Variants in PPP2R2B observed in about 807,000 individuals in gnomAD.
The protein encoded by PPP2R2B is protein phosphatase 2 regulatory subunit Bbeta, also known as serine/threonine-protein phosphatase 2A 55 kDa regulatory subunit B beta isoform.
A neutral mutation model predicts 46.0 loss-of-function variants in PPP2R2B; 5 were observed. The observed-to-expected ratio is 0.11, with a 90% confidence interval of 0.06 to 0.23. PPP2R2B has a LOEUF of 0.23. Among genes scored for constraint, PPP2R2B ranks in the 10% least tolerant of loss-of-function variants. PPP2R2B has a pLI of 1.00. For missense variants in PPP2R2B, 367 were observed against 575.0 expected (o/e 0.64, Z 3.70); for synonymous variants, 215 against 206.7 (o/e 1.04, Z -0.34).
chr5:146,908,586 T>C (rs2151803563), intron 1 of PPP2R2B, among the ~76,000 whole-genome samples: 1 of 151,722 alleles, frequency 6.6e-6, no homozygotes, highest in Middle Eastern at 3.4e-3. Flanking sequence ...AAGGGCTCCA[T>C]TAACAGAAAA....
At chr5:146,736,018 G>T (rs916658364) in intron 2 of PPP2R2B, among the ~76,000 whole-genome samples, 1 of 152,120 alleles carries the variant, frequency 6.6e-6, no homozygotes, top group Non-Finnish European at 1.5e-5. Context: ...TAATCCCCAC[G>T]TGTTATGGGA....
At chr5:146,640,114 C>T (rs1052564478) in intron 6 of PPP2R2B, among the ~76,000 whole-genome samples, 2 of 152,256 alleles carry the variant, frequency 1.3e-5, no homozygotes, top group African/African-American at 4.8e-5. Context: ...TCAAACATCA[C>T]TATGCTCCTG....
chr5:146,732,287 A>C (rs901483556), intron 2 of PPP2R2B, among the ~76,000 whole-genome samples: 9 of 152,248 alleles, frequency 5.9e-5, no homozygotes, highest in African/African-American at 1.9e-4. Context: ...ACATTGATAA[A>C]AATTTTTGCA....
At chr5:146,863,615 T>C (rs1761133200) in intron 2 of PPP2R2B, among the ~76,000 whole-genome samples, 1 of 151,774 alleles carries the variant, frequency 6.6e-6, no homozygotes, top group African/African-American at 2.4e-5. Context: ...CAAATATTTA[T>C]CCATTCAACT....
chr5:146,789,327 A>G (rs1037506355), intron 2 of PPP2R2B, among the ~76,000 whole-genome samples: 1 of 152,190 alleles, frequency 6.6e-6, no homozygotes, highest in East Asian at 1.9e-4. Context: ...TCTCTCCATA[A>G]AACTTTCAGT....
intron 1 of PPP2R2B, among the ~76,000 whole-genome samples, chr5:146,977,037 T>A (rs1432672064): frequency 8.3e-6 from 1 of 120,372 alleles, no homozygotes; most frequent in Non-Finnish European, 2.0e-5. Context: ...GGCCAACAAA[T>A]CCCAAACAAA....
At chr5:146,815,426 A>G (rs1430586980) in intron 2 of PPP2R2B, among the ~76,000 whole-genome samples, 1 of 152,246 alleles carries the variant, frequency 6.6e-6, no homozygotes, top group Non-Finnish European at 1.5e-5. Flanking sequence ...GTTGCACAAT[A>G]CTTGACACAC....
intron 2 of PPP2R2B, among the ~76,000 whole-genome samples, chr5:146,848,370 T>C (rs1480217455): frequency 6.6e-6 from 1 of 152,166 alleles, no homozygotes; most frequent in Non-Finnish European, 1.5e-5. Context: ...ATGTCCTTTT[T>C]CTACTCTAGG....
chr5:146,813,357 A>G (rs192259457), intron 2 of PPP2R2B, among the ~76,000 whole-genome samples: 1 of 152,254 alleles, frequency 6.6e-6, no homozygotes, highest in Non-Finnish European at 1.5e-5. Flanking sequence ...CTAAGAATAA[A>G]TATTACCTCA....
At chr5:146,959,442 A>G (rs1180298375) in intron 1 of PPP2R2B, among the ~76,000 whole-genome samples, 1 of 152,200 alleles carries the variant, frequency 6.6e-6, no homozygotes, top group Non-Finnish European at 1.5e-5. Context: ...TGGGAGCTCC[A>G]TGAAGACAGA....
intron 2 of PPP2R2B, among the ~76,000 whole-genome samples, chr5:146,809,721 G>T (rs1757410105): frequency 6.6e-6 from 1 of 152,208 alleles, no homozygotes; most frequent in Non-Finnish European, 1.5e-5. Flanking sequence ...AGAACAACGG[G>T]AAATGATTGG....
At chr5:146,809,192 A>G (rs755785924) in intron 2 of PPP2R2B, among the ~76,000 whole-genome samples, 2 of 152,172 alleles carry the variant, frequency 1.3e-5, no homozygotes, top group African/African-American at 4.8e-5. Context: ...AAAGCCTTCT[A>G]TGTGGCCGTC....
At chr5:146,855,392 A>G (rs187784669) in intron 2 of PPP2R2B, among the ~76,000 whole-genome samples, 2 of 152,228 alleles carry the variant, frequency 1.3e-5, no homozygotes, top group Non-Finnish European at 2.9e-5. Context: ...CTAACATTGC[A>G]TAGTTCCCTT....
chr5:146,649,986 A>G (rs1315443186), intron 6 of PPP2R2B, among the ~76,000 whole-genome samples: 2 of 152,204 alleles, frequency 1.3e-5, no homozygotes, highest in Non-Finnish European at 2.9e-5. Context: ...ATCAAACTGT[A>G]CAATTATAAT....
intron 3 of PPP2R2B, among the ~76,000 whole-genome samples, 173 bp from the exon 4 acceptor site, chr5:146,698,317 A>AATATATATAT (rs35533710): frequency 4.7e-5 from 4 of 85,626 alleles, no homozygotes; most frequent in African/African-American, 4.9e-5. Flanking sequence ...AAAAAAAAAA[A>AATATATATAT]ATATATATAT....
intron 2 of PPP2R2B, among the ~76,000 whole-genome samples, chr5:146,719,880 C>A (rs1052168494): frequency 2.0e-5 from 3 of 151,926 alleles, no homozygotes; most frequent in Non-Finnish European, 2.9e-5. Flanking sequence ...AGATTGGCAA[C>A]ATCAAGCTGG....
chr5:146,599,479 C>T (rs1771563135), intron 8 of PPP2R2B, among the ~76,000 whole-genome samples: 4 of 152,180 alleles, frequency 2.6e-5, no homozygotes, highest in Admixed American at 2.6e-4. Context: ...TAATGGTCCT[C>T]CATTGTACCC....
At chr5:146,826,945 A>C (rs1023698860) in intron 2 of PPP2R2B, among the ~76,000 whole-genome samples, 5 of 152,124 alleles carry the variant, frequency 3.3e-5, no homozygotes, top group African/African-American at 1.2e-4. Context: ...TCTATACCTT[A>C]TGTTTTCAAC....
chr5:146,865,503 A>G (rs927680649), intron 2 of PPP2R2B, among the ~76,000 whole-genome samples: 3 of 152,166 alleles, frequency 2.0e-5, no homozygotes, highest in Non-Finnish European at 2.9e-5. Context: ...TTTCATATTC[A>G]TATTCACGTG....
Sources: allele counts gnomAD v4.1 joint callset (sites outside exome capture counted in the v4.1 genomes callset), GRCh38; gene constraint gnomAD v4.1.1; transcripts MANE v1.5; gene names NCBI Gene and HGNC (gene_info 2026-07-23, HGNC 2026-07-21).